Variants in TUSC3 observed in about 807,000 individuals in gnomAD.
The protein encoded by TUSC3 is dolichyl-diphosphooligosaccharide--protein glycosyltransferase subunit TUSC3.
A neutral mutation model predicts 44.8 loss-of-function variants in TUSC3; 45 were observed. The ratio of observed to expected loss-of-function variants is 1.00; its 90% CI spans 0.79 to 1.29. The LOEUF (loss-of-function observed/expected upper bound fraction) is 1.29. Among genes scored for constraint, TUSC3 ranks in the 50% most tolerant of loss-of-function variants. The pLI is 0.00. For synonymous variants in TUSC3, 212 were observed against 152.9 expected, an observed-to-expected ratio of 1.39 and a Z score of -2.85; for missense variants, 519 against 437.9, an observed-to-expected ratio of 1.19 and a Z score of -1.65.
At chr8:15,767,986 G>A (rs1451527970), downstream of TUSC3, among the ~76,000 whole-genome samples, 3 of 152,096 alleles carry the variant, frequency 2.0e-5, no homozygotes, top group African/African-American at 4.8e-5. Flanking sequence ...TCCATGTTCA[G>A]AAAAGTCCTG....
intron 1 of TUSC3, among the ~76,000 whole-genome samples, chr8:15,444,733 T>A (rs1245308260): frequency 1.3e-5 from 2 of 151,904 alleles, no homozygotes; most frequent in Non-Finnish European, 2.9e-5. Flanking sequence ...ATCGGTTCTC[T>A]AACTCAGAAA....
intron 1 of TUSC3, among the ~76,000 whole-genome samples, chr8:15,423,472 C>G (rs1394482385): frequency 6.6e-6 from 1 of 152,154 alleles, no homozygotes; most frequent in Non-Finnish European, 1.5e-5. Context: ...AGGAAATGCA[C>G]CCAGGGGAAC....
intron 1 of TUSC3, among the ~76,000 whole-genome samples, chr8:15,464,990 C>G (rs903174979): frequency 2.6e-5 from 4 of 152,126 alleles, no homozygotes; most frequent in Non-Finnish European, 5.9e-5. Flanking sequence ...GGTGGGATTA[C>G]AGGCACCTGC....
intron 2 of TUSC3, among the ~76,000 whole-genome samples, chr8:15,637,195 C>G (rs1585178810): frequency 6.6e-6 from 1 of 152,020 alleles, no homozygotes; most frequent in African/African-American, 2.4e-5. Flanking sequence ...CTCTAATTCT[C>G]CATATGTTTA....
intron 1 of TUSC3, among the ~76,000 whole-genome samples, chr8:15,455,572 A>T (rs901090762): frequency 1.3e-5 from 2 of 152,170 alleles, no homozygotes; most frequent in Admixed American, 1.3e-4. Context: ...GTATACATAT[A>T]CTTTTTTTTA....
At chr8:15,676,638 T>G (rs1808202368) in intron 6 of TUSC3, among the ~76,000 whole-genome samples, 1 of 152,114 alleles carries the variant, frequency 6.6e-6, no homozygotes, top group African/African-American at 2.4e-5. Context: ...TTAGATTGTC[T>G]CAACTTTCAG....
chr8:15,641,278 T>C (rs533357752), intron 2 of TUSC3, among the ~76,000 whole-genome samples: 1 of 151,440 alleles, frequency 6.6e-6, no homozygotes, highest in Non-Finnish European at 1.5e-5. Flanking sequence ...GGAGAATCAC[T>C]TGAACCAGGG....
chr8:15,641,897 C>T (rs1585184061), intron 2 of TUSC3, among the ~76,000 whole-genome samples: 1 of 152,190 alleles, frequency 6.6e-6, no homozygotes. Flanking sequence ...CAAAAAGAGA[C>T]GCAAGGAAAC....
At chr8:15,735,371 G>A (rs1474193221) in intron 7 of TUSC3, among the ~76,000 whole-genome samples, 7 of 152,152 alleles carry the variant, frequency 4.6e-5, no homozygotes, top group African/African-American at 1.7e-4. Flanking sequence ...ATGTGTTGTA[G>A]GATAGAAATA....
chr8:15,813,046 A>T, the TUSC3 span, among the ~76,000 whole-genome samples: 2 of 152,166 alleles, frequency 1.3e-5, no homozygotes, highest in African/African-American at 2.4e-5. Flanking sequence ...GTGAGCTGAG[A>T]TCGCGCCACT....
At chr8:15,583,113 A>G (rs1398620481) in intron 1 of TUSC3, among the ~76,000 whole-genome samples, 1 of 152,224 alleles carries the variant, frequency 6.6e-6, no homozygotes, top group Non-Finnish European at 1.5e-5. Flanking sequence ...AAATTACCCC[A>G]TGGCAATAAG....
intron 7 of TUSC3, 112 bp downstream of exon 7, chr8:15,730,841 T>G: frequency 3.0e-6 from 3 of 999,538 alleles, no homozygotes; most frequent in Middle Eastern, 2.1e-4. Flanking sequence ...CATTAAATTT[T>G]AGGCTGTACT....
chr8:15,588,915 T>G (rs1014999951), intron 1 of TUSC3, among the ~76,000 whole-genome samples: 5 of 152,180 alleles, frequency 3.3e-5, no homozygotes, highest in African/African-American at 1.2e-4. Flanking sequence ...TTGGCCTTTG[T>G]GTCTGTGTTT....
intron 6 of TUSC3, among the ~76,000 whole-genome samples, chr8:15,717,183 G>A (rs890947727): frequency 3.3e-5 from 5 of 152,014 alleles, no homozygotes; most frequent in East Asian, 1.9e-4. Flanking sequence ...TAGTTTAATA[G>A]CAATAAATAT....
At chr8:15,847,769 T>A in the TUSC3 span, among the ~76,000 whole-genome samples, 5 of 152,288 alleles carry the variant, frequency 3.3e-5, no homozygotes, top group East Asian at 9.7e-4. Flanking sequence ...GCTTTTCTCA[T>A]AGAGTAGCAA....
chr8:15,428,740 A>T (rs1799835935), intron 1 of TUSC3, among the ~76,000 whole-genome samples: 2 of 152,008 alleles, frequency 1.3e-5, no homozygotes, highest in African/African-American at 2.4e-5. Context: ...GCATTTTTTC[A>T]TGTGTCTTTT....
At chr8:15,770,112 G>A (rs1256099363), downstream of TUSC3, among the ~76,000 whole-genome samples, 2 of 152,166 alleles carry the variant, frequency 1.3e-5, no homozygotes, top group South Asian at 2.1e-4. Flanking sequence ...ACATGCACAT[G>A]TATGTTTGTT....
At chr8:15,508,457 C>CTTTTTTTTTTTT (rs1200727081) in intron 2 of TUSC3, among the ~76,000 whole-genome samples, 2 of 79,584 alleles carry the variant, frequency 2.5e-5, no homozygotes, top group African/African-American at 4.9e-5. Context: ...TCGAAGCTTC[C>CTTTTTTTTTTTT]TTTTTTTTTT....
upstream of TUSC3, among the ~76,000 whole-genome samples, chr8:15,539,342 G>GTTGTT (rs1554511025): frequency 1.1e-5 from 1 of 88,902 alleles, no homozygotes; most frequent in African/African-American, 4.3e-5. Context: ...TGCTGCTATG[G>GTTGTT]TTCTTTTTTT....
Sources: gnomAD v4.1 joint callset for allele counts (sites outside exome capture counted in the v4.1 genomes callset) on GRCh38, gnomAD v4.1.1 for gene constraint, MANE v1.5 for transcripts, NCBI Gene and HGNC (gene_info 2026-07-23, HGNC 2026-07-21) for gene names.